Variants in HSD17B12 observed in about 807,000 individuals in gnomAD.
The protein encoded by HSD17B12 is very-long-chain 3-oxoacyl-CoA reductase.
HSD17B12 carries 32 observed loss-of-function variants against 39.3 expected under a neutral mutation model. The observed-to-expected ratio is 0.81, with a 90% confidence interval of 0.61 to 1.09. The LOEUF (loss-of-function observed/expected upper bound fraction) is 1.09. HSD17B12 is among the 50% of genes least tolerant of loss of function. HSD17B12 has a pLI of 0.00. For missense variants in HSD17B12, 342 were observed against 382.9 expected, an observed-to-expected ratio of 0.89 and a Z score of 0.89; for synonymous variants, 150 against 146.7, an observed-to-expected ratio of 1.02 and a Z score of -0.16.
upstream of HSD17B12, among the ~76,000 whole-genome samples, chr11:43,678,483 G>A (rs1227268233): frequency 6.6e-6 from 1 of 152,138 alleles, no homozygotes; most frequent in African/African-American, 2.4e-5. Context: ...ATTGCTTTTG[G>A]TGCTTTAGAC....
rs568640158 is a variant in HSD17B12, at chr11:43,733,259, G to A, written c.161-17652G>A. ...TGTATCGTTGGGTTTATGTTGTGGC[G>A]ATCAGATTATGATGTGATGAGTGAC... On this transcript the variant is annotated intron_variant, in intron 1 of 10. Coordinates refer to ENST00000278353, the MANE Select transcript of HSD17B12 (RefSeq NM_016142.3). Among the ~76,000 whole-genome samples, 121 of 152,274 alleles carry A rather than the reference G, an allele frequency of 7.9e-4. 1 individual carries two copies. The highest frequency in any genetic ancestry group is 2.7e-3 in the African/African-American group (114 of 41,556).
intron 3 of HSD17B12, among the ~76,000 whole-genome samples, chr11:43,792,995 A>G (rs1170449716): frequency 6.6e-6 from 1 of 152,192 alleles, no homozygotes; most frequent in Non-Finnish European, 1.5e-5. Flanking sequence ...ATTGAGCAGA[A>G]TGACCTCTGC....
chr11:43,829,581 G>A (rs1035009605), intron 6 of HSD17B12: 5 of 152,100 alleles, frequency 3.3e-5, no homozygotes, highest in African/African-American at 1.2e-4. Context: ...GGAAATAGAA[G>A]AGGGACTGTT....
chr11:43,744,606 A>C (rs1349746404), intron 1 of HSD17B12, among the ~76,000 whole-genome samples: 1 of 152,194 alleles, frequency 6.6e-6, no homozygotes, highest in African/African-American at 2.4e-5. Context: ...ATGATGACTA[A>C]ATGTGGTATA....
At chr11:43,704,860 A>C (rs916884673) in intron 1 of HSD17B12, among the ~76,000 whole-genome samples, 1 of 152,208 alleles carries the variant, frequency 6.6e-6, no homozygotes, top group African/African-American at 2.4e-5. Flanking sequence ...AGGATCACAG[A>C]GAAGAAAGAT....
In HSD17B12 at chr11:43,840,023, T is replaced by C; in HGVS notation, c.643T>C (p.Cys215Arg). The change falls in exon 9 of 11, where the codon TGC (cysteine) becomes CGC (arginine). Residue 215 changes from cysteine to arginine, a missense_variant. Transcript: ENST00000278353. ...TKTFVDFFSQ[C>R]LHEEYRSKGV... is the part of the protein sequence containing the mutation. ...GACTTTTGTAGATTTCTTCTCTCAG[T>C]GCCTCCATGAGGAGTATAGGAGCAA... 1 of 1,612,742 alleles carries C rather than the reference T, an allele frequency of 6.2e-7. No individual in the cohort carries two copies. Among genetic ancestry groups the C allele is most frequent in the Non-Finnish European group, 8.5e-7 (1 of 1,179,114 alleles).
At chr11:43,785,039 T>C (rs138877106) in intron 3 of HSD17B12, among the ~76,000 whole-genome samples, 19 of 152,296 alleles carry the variant, frequency 1.2e-4, no homozygotes, top group African/African-American at 4.6e-4. Context: ...TCTATAAACA[T>C]AACATGAGGA....
intron 4 of HSD17B12, among the ~76,000 whole-genome samples, chr11:43,803,350 G>A (rs780587959): frequency 3.9e-5 from 6 of 152,100 alleles, no homozygotes; most frequent in Non-Finnish European, 7.4e-5. Context: ...GTCTAGTAAG[G>A]GCAAAATAAT....
intron 3 of HSD17B12, among the ~76,000 whole-genome samples, chr11:43,766,792 T>G (rs1950599320): frequency 6.6e-6 from 1 of 152,244 alleles, no homozygotes; most frequent in African/African-American, 2.4e-5. Context: ...TAGCTTATGG[T>G]CCAATTTTGG....
chr11:43,563,075 C>T, the HSD17B12 span, among the ~76,000 whole-genome samples: 1 of 152,184 alleles, frequency 6.6e-6, no homozygotes, highest in Non-Finnish European at 1.5e-5. Flanking sequence ...ACTCCTCACC[C>T]AGGTCTTGTA....
chr11:43,624,400 C>A, the HSD17B12 span, among the ~76,000 whole-genome samples: 2 of 151,758 alleles, frequency 1.3e-5, no homozygotes, highest in Admixed American at 1.3e-4. Context: ...TTCTAAGTAC[C>A]TTTCTTTTTC....
intron 6 of HSD17B12, among the ~76,000 whole-genome samples, chr11:43,820,995 C>G (rs1951177363): frequency 6.6e-6 from 1 of 152,098 alleles, no homozygotes; most frequent in Admixed American, 6.5e-5. Context: ...AGTGAAATAT[C>G]CTGAGACCAA....
chr11:43,821,637 T>G (rs1218788461), intron 6 of HSD17B12, among the ~76,000 whole-genome samples: 1 of 152,128 alleles, frequency 6.6e-6, no homozygotes, highest in African/African-American at 2.4e-5. Context: ...CAAATGAAAT[T>G]ATTGAACTGC....
chr11:43,583,287 GC>G, the HSD17B12 span, among the ~76,000 whole-genome samples: 2 of 152,220 alleles, frequency 1.3e-5, no homozygotes, highest in African/African-American at 2.4e-5. Flanking sequence ...GGGCTCCAGG[GC>G]CCAAGGAGCA....
chr11:43,694,784 A>G (rs889709464), intron 1 of HSD17B12, among the ~76,000 whole-genome samples: 22 of 152,184 alleles, frequency 1.4e-4, no homozygotes, highest in African/African-American at 5.1e-4. Context: ...CATTAACGTT[A>G]CATTCTAGGG....
the HSD17B12 span, among the ~76,000 whole-genome samples, chr11:43,625,166 T>C: frequency 6.6e-6 from 1 of 151,660 alleles, no homozygotes; most frequent in African/African-American, 2.4e-5. Context: ...CTTGTGAAAA[T>C]AGGTTAACAA....
chr11:43,754,021 A>G, intron 2 of HSD17B12, 25 bp from the exon 3 acceptor site: 1 of 1,534,974 alleles, frequency 6.5e-7, no homozygotes, highest in Non-Finnish European at 9.0e-7. Context: ...CACAGGTGTG[A>G]TTCAAATCTC....
chr11:43,724,796 A>C (rs1950206785), intron 1 of HSD17B12, among the ~76,000 whole-genome samples: 2 of 152,236 alleles, frequency 1.3e-5, no homozygotes, highest in Admixed American at 1.3e-4. Context: ...AGACCGTAAC[A>C]GAGATGATGT....
the HSD17B12 span, chr11:43,644,306 G>C: frequency 8.6e-5 from 13 of 151,842 alleles, no homozygotes; most frequent in African/African-American, 3.1e-4. Context: ...GGTTTGGGGG[G>C]CTGTCGGTCC....
Sources: allele counts gnomAD v4.1 joint callset (sites outside exome capture counted in the v4.1 genomes callset), GRCh38; gene constraint gnomAD v4.1.1; transcripts MANE v1.5; gene names NCBI Gene and HGNC (gene_info 2026-07-23, HGNC 2026-07-21).